PPFIBP1: variants seen among roughly 807,000 people sequenced by gnomAD.
PPFIBP1 encodes the protein liprin-beta-1.
PPFIBP1 carries 112 observed loss-of-function variants against 137.8 expected under a neutral mutation model. The ratio of observed to expected loss-of-function variants is 0.81; its 90% CI spans 0.70 to 0.95. The LOEUF is 0.95. Among genes scored for constraint, PPFIBP1 ranks in the 40% least tolerant of loss-of-function variants. The pLI is 0.00. For missense variants in PPFIBP1, 1,083 were observed against 1,196.6 expected (o/e 0.91, Z 1.40); for synonymous variants, 378 against 417.3 (o/e 0.91, Z 1.15).
chr12:27,684,951 AC>A (rs1352979340), intron 24 of PPFIBP1, among the ~76,000 whole-genome samples: 1 of 152,066 alleles, frequency 6.6e-6, no homozygotes, highest in African/African-American at 2.4e-5. Flanking sequence ...TAAACTGAAG[AC>A]TATTCACATT....
chr12:27,534,043 G>A (rs948078887), intron 1 of PPFIBP1, among the ~76,000 whole-genome samples: 2 of 152,206 alleles, frequency 1.3e-5, no homozygotes, highest in African/African-American at 4.8e-5. Flanking sequence ...TGAACTGCAG[G>A]TGGCCTGGTT....
intron 11 of PPFIBP1, 56 bp downstream of exon 11, chr12:27,661,001 A>G: frequency 6.3e-7 from 1 of 1,593,798 alleles, no homozygotes; most frequent in Non-Finnish European, 8.6e-7. Flanking sequence ...CATTTTGACC[A>G]TTCCATGCAA....
At chr12:27,642,997 A>T (rs57127153) in intron 4 of PPFIBP1, among the ~76,000 whole-genome samples, 1 of 151,906 alleles carries the variant, frequency 6.6e-6, no homozygotes, top group South Asian at 2.1e-4. Flanking sequence ...GAGCTCACAC[A>T]AGATGGCCTT....
chr12:27,560,015 C>A (rs1364900550), intron 1 of PPFIBP1, among the ~76,000 whole-genome samples: 1 of 152,198 alleles, frequency 6.6e-6, no homozygotes, highest in African/African-American at 2.4e-5. Flanking sequence ...ATACAATCTA[C>A]GTAATGTTCT....
At chr12:27,646,897 C>T (rs989920437) in intron 5 of PPFIBP1, among the ~76,000 whole-genome samples, 1 of 152,244 alleles carries the variant, frequency 6.6e-6, no homozygotes, top group Non-Finnish European at 1.5e-5. Context: ...AGCCCAACAG[C>T]TCCTCAGGCA....
At chr12:27,628,967 T>G (rs2057063896) in intron 2 of PPFIBP1, among the ~76,000 whole-genome samples, 1 of 152,196 alleles carries the variant, frequency 6.6e-6, no homozygotes, top group African/African-American at 2.4e-5. Context: ...GAAAGTGTGC[T>G]GGAGTATTTA....
At chr12:27,537,951 G>A (rs530971994) in intron 1 of PPFIBP1, among the ~76,000 whole-genome samples, 8 of 152,224 alleles carry the variant, frequency 5.3e-5, no homozygotes, top group East Asian at 1.9e-4. Context: ...TAAATTCCCC[G>A]TTCATAACGG....
chr12:27,535,706 G>A (rs1944922246), intron 1 of PPFIBP1, among the ~76,000 whole-genome samples: 1 of 152,190 alleles, frequency 6.6e-6, no homozygotes, highest in African/African-American at 2.4e-5. Context: ...GTGCAATGCT[G>A]GCTTTAAATG....
At chr12:27,677,506 G>A (rs986833341) in intron 19 of PPFIBP1, 2 of 203,872 alleles carry the variant, frequency 9.8e-6, no homozygotes, top group African/African-American at 4.5e-5. Flanking sequence ...AATTTTTTTG[G>A]CCATATAGGG....
chr12:27,678,025 T>A (rs1565998759), intron 19 of PPFIBP1: 1 of 152,228 alleles, frequency 6.6e-6, no homozygotes, highest in African/African-American at 2.4e-5. Context: ...GCATCTTTCT[T>A]AGAAGAACTG....
chr12:27,664,317 T>C, intron 11 of PPFIBP1, 45 bp from the exon 12 acceptor site: 1 of 1,290,440 alleles, frequency 7.7e-7, no homozygotes, highest in Admixed American at 1.8e-5. Flanking sequence ...ACTATTACTC[T>C]TTTAAGAACA....
intron 1 of PPFIBP1, among the ~76,000 whole-genome samples, chr12:27,541,392 A>G (rs1945646387): frequency 6.6e-6 from 1 of 152,024 alleles, no homozygotes; most frequent in Non-Finnish European, 1.5e-5. Context: ...GGGCTTCCAT[A>G]GATTCCTGAA....
At chr12:27,668,121 C>T (rs1162682090) in intron 13 of PPFIBP1, among the ~76,000 whole-genome samples, 4 of 152,178 alleles carry the variant, frequency 2.6e-5, no homozygotes, top group Non-Finnish European at 5.9e-5. Context: ...CACCGCTTTA[C>T]ATCCCTCTCC....
chr12:27,530,589 G>A (rs1052451315), intron 1 of PPFIBP1, among the ~76,000 whole-genome samples: 1 of 152,194 alleles, frequency 6.6e-6, no homozygotes, highest in African/African-American at 2.4e-5. Flanking sequence ...GAAAGACACA[G>A]CTGGATGCCC....
chr12:27,568,179 G>A (rs1486781529), intron 1 of PPFIBP1, among the ~76,000 whole-genome samples: 2 of 152,220 alleles, frequency 1.3e-5, no homozygotes, highest in Admixed American at 1.3e-4. Flanking sequence ...AAGAAGAAGG[G>A]TCATGGGATC....
intron 1 of PPFIBP1, among the ~76,000 whole-genome samples, chr12:27,535,912 T>G (rs1009763778): frequency 6.6e-6 from 1 of 152,258 alleles, no homozygotes; most frequent in Non-Finnish European, 1.5e-5. Flanking sequence ...GAAGCAACTA[T>G]GAGTTGCCTT....
At chr12:27,637,239 C>T (rs1565913760) in intron 4 of PPFIBP1, 2 of 152,110 alleles carry the variant, frequency 1.3e-5, no homozygotes, top group Non-Finnish European at 2.9e-5. Flanking sequence ...ATCCCTGGTG[C>T]TTAGAAGAAT....
At chr12:27,601,024 T>C (rs1287570917) in intron 2 of PPFIBP1, among the ~76,000 whole-genome samples, 2 of 152,212 alleles carry the variant, frequency 1.3e-5, no homozygotes, top group Non-Finnish European at 2.9e-5. Flanking sequence ...TACATTATTA[T>C]TAACTGTCAT....
At chr12:27,597,539 T>C (rs1034192916) in intron 2 of PPFIBP1, among the ~76,000 whole-genome samples, 3 of 152,278 alleles carry the variant, frequency 2.0e-5, no homozygotes, top group African/African-American at 7.2e-5. Flanking sequence ...TCATAAAAAG[T>C]TGGTGACTGC....
Sources: allele counts gnomAD v4.1 joint callset (sites outside exome capture counted in the v4.1 genomes callset), GRCh38; gene constraint gnomAD v4.1.1; transcripts MANE v1.5; gene names NCBI Gene and HGNC (gene_info 2026-07-23, HGNC 2026-07-21).